The following TMTC2 variants were observed in gnomAD, a reference collection of about 807,000 sequenced individuals.
TMTC2 encodes transmembrane O-mannosyltransferase targeting cadherins 2.
A neutral mutation model predicts 82.4 loss-of-function variants in TMTC2; 43 were observed. That is an observed-to-expected ratio of 0.52 (90% CI 0.41 to 0.67). The LOEUF (loss-of-function observed/expected upper bound fraction) is 0.67, where lower values mean the gene tolerates loss of function less well. Ranked by LOEUF, TMTC2 falls within the 30% of genes least tolerant of loss-of-function variation. The probability of loss-of-function intolerance (pLI) is 0.00; values close to 1 mark genes in which losing one functional copy is unlikely to be tolerated. For synonymous variants in TMTC2, 408 were observed against 381.9 expected (o/e 1.07, Z -0.80); for missense variants, 919 against 1,012.4 (o/e 0.91, Z 1.25).
chr12:82,807,870 T>TA, intron 1 of TMTC2, among the ~76,000 whole-genome samples: 1 of 152,118 alleles, frequency 6.6e-6, no homozygotes, highest in South Asian at 2.1e-4. Context: ...GGTAGAACTT[T>TA]AAAAAAATTA....
intron 1 of TMTC2, among the ~76,000 whole-genome samples, chr12:82,850,849 A>C (rs1461391754): frequency 6.6e-6 from 1 of 150,500 alleles, no homozygotes. Context: ...GCAGATCATG[A>C]GGTCAAGAGA....
At chr12:83,037,294 T>C (rs1881702025) in intron 9 of TMTC2, among the ~76,000 whole-genome samples, 1 of 152,190 alleles carries the variant, frequency 6.6e-6, no homozygotes, top group African/African-American at 2.4e-5. Flanking sequence ...TATTTTTTAT[T>C]ATTCATAACT....
chr12:83,085,056 G>T (rs1013464298), intron 11 of TMTC2, among the ~76,000 whole-genome samples: 1 of 152,204 alleles, frequency 6.6e-6, no homozygotes, highest in African/African-American at 2.4e-5. Context: ...TTATGTAGGG[G>T]TTGGTTGTGA....
chr12:82,980,035 A>T (rs1235923687), intron 7 of TMTC2, among the ~76,000 whole-genome samples: 3 of 151,702 alleles, frequency 2.0e-5, no homozygotes, highest in Non-Finnish European at 4.4e-5. Context: ...TTTGATTATG[A>T]CATGTCTTGA....
intron 9 of TMTC2, among the ~76,000 whole-genome samples, chr12:83,035,166 G>A (rs977594566): frequency 1.3e-5 from 2 of 152,264 alleles, no homozygotes; most frequent in African/African-American, 2.4e-5. Flanking sequence ...ATCCAGTTGG[G>A]ATTAGACAGA....
intron 4 of TMTC2, among the ~76,000 whole-genome samples, chr12:82,937,911 T>TA (rs1876476520): frequency 3.5e-5 from 2 of 57,866 alleles, no homozygotes; most frequent in Admixed American, 5.4e-4. Context: ...TTCAAACCTT[T>TA]TTTTTTTTTT....
chr12:82,742,249 A>G (rs1036482555), intron 1 of TMTC2, among the ~76,000 whole-genome samples: 2 of 151,950 alleles, frequency 1.3e-5, no homozygotes, highest in African/African-American at 4.8e-5. Flanking sequence ...GCATGTCTTC[A>G]TGTATTTCTT....
At chr12:82,753,869 A>C (rs1876151707) in intron 1 of TMTC2, among the ~76,000 whole-genome samples, 1 of 152,228 alleles carries the variant, frequency 6.6e-6, no homozygotes, top group South Asian at 2.1e-4. Context: ...ACAGGTAAAA[A>C]TAAAGCGTAC....
At chr12:82,825,035 TC>T (rs774579926) in intron 1 of TMTC2, among the ~76,000 whole-genome samples, 6 of 150,928 alleles carry the variant, frequency 4.0e-5, no homozygotes, top group Admixed American at 1.3e-4. Flanking sequence ...GTTGCAGTGA[TC>T]CGAGATCGTG....
intron 11 of TMTC2, among the ~76,000 whole-genome samples, chr12:83,118,912 A>G (rs1229410875): frequency 6.6e-5 from 10 of 152,160 alleles, no homozygotes; most frequent in Admixed American, 6.5e-4. Context: ...GAATTTATCC[A>G]TCTCTTCTAG....
intron 3 of TMTC2, among the ~76,000 whole-genome samples, chr12:82,909,433 A>G (rs975270910): frequency 6.6e-6 from 1 of 152,020 alleles, no homozygotes; most frequent in Admixed American, 6.6e-5. Context: ...TCCACCTCCC[A>G]GGTTCAAGTG....
chr12:83,033,810 ATGTG>A (rs71977642), intron 9 of TMTC2, among the ~76,000 whole-genome samples: 8,736 of 147,620 alleles, frequency 0.059, 426 homozygotes, highest in East Asian at 0.29. Flanking sequence ...ATACACATAT[ATGTG>A]TGTGTGTGTG....
intron 1 of TMTC2, among the ~76,000 whole-genome samples, chr12:82,699,254 C>A (rs760033703): frequency 1.1e-4 from 16 of 152,224 alleles, no homozygotes; most frequent in Non-Finnish European, 1.9e-4. Context: ...CCAGCAGTTT[C>A]CAGTCTCATT....
chr12:82,779,439 G>T (rs774519510), intron 1 of TMTC2, among the ~76,000 whole-genome samples: 6 of 152,002 alleles, frequency 3.9e-5, no homozygotes, highest in Non-Finnish European at 7.4e-5. Context: ...TTGATATTTG[G>T]GGCACAGCTG....
At chr12:82,937,287 T>G (rs1326397930) in intron 4 of TMTC2, among the ~76,000 whole-genome samples, 1 of 152,212 alleles carries the variant, frequency 6.6e-6, no homozygotes, top group East Asian at 1.9e-4. Flanking sequence ...CTTGCCTTTT[T>G]TTTTGTGGTT....
intron 8 of TMTC2, among the ~76,000 whole-genome samples, chr12:82,997,221 C>CTCTATATATATA (rs1451262969): frequency 4.2e-5 from 5 of 118,548 alleles, no homozygotes; most frequent in African/African-American, 1.8e-4. Flanking sequence ...CTCTCTCTCT[C>CTCTATATATATA]TATATATATA....
intron 1 of TMTC2, among the ~76,000 whole-genome samples, chr12:82,707,240 G>T (rs1304554309): frequency 6.6e-6 from 1 of 152,158 alleles, no homozygotes; most frequent in Non-Finnish European, 1.5e-5. Flanking sequence ...GTCCTTACAT[G>T]GAGGTCGGGG....
At chr12:83,061,705 C>T (rs1008753365) in intron 10 of TMTC2, 63 bp from the exon 11 acceptor site, 9 of 1,391,562 alleles carry the variant, frequency 6.5e-6, no homozygotes, top group Non-Finnish European at 8.7e-6. Context: ...TTTTACTGCA[C>T]AGTGATCCTA....
At chr12:82,770,766 G>A (rs1877251359) in intron 1 of TMTC2, among the ~76,000 whole-genome samples, 1 of 152,094 alleles carries the variant, frequency 6.6e-6, no homozygotes, top group African/African-American at 2.4e-5. Context: ...GGATTACACG[G>A]TGTACTTAAA....
Sources: allele counts gnomAD v4.1 joint callset (sites outside exome capture counted in the v4.1 genomes callset), GRCh38; gene constraint gnomAD v4.1.1; transcripts MANE v1.5; gene names NCBI Gene and HGNC (gene_info 2026-07-23, HGNC 2026-07-21).